CIDEC: variants seen among roughly 807,000 people sequenced by gnomAD.
CIDEC encodes cell death inducing DFFA like effector c.
A neutral mutation model predicts 21.9 loss-of-function variants in CIDEC; 11 were observed. That is an observed-to-expected ratio of 0.50 (90% CI 0.32 to 0.83). The LOEUF (loss-of-function observed/expected upper bound fraction) is 0.83. Ranked by LOEUF, CIDEC falls within the 40% of genes least tolerant of loss-of-function variation. The pLI is 0.04. For missense variants in CIDEC, 302 were observed against 302.3 expected, an observed-to-expected ratio of 1.00 and a Z score of 0.01; for synonymous variants, 127 against 124.9, an observed-to-expected ratio of 1.02 and a Z score of -0.11.
chr3:9,877,377 G>A (rs2082441545), intron 3 of CIDEC, among the ~76,000 whole-genome samples, 158 bp from the exon 4 acceptor site: 1 of 152,186 alleles, frequency 6.6e-6, no homozygotes, highest in Non-Finnish European at 1.5e-5. Context: ...AAGCCTGCTA[G>A]AAGCCAGGCA....
chr3:9,878,416 GC>G lies in CIDEC; in HGVS notation c.53+17del. Reference sequence around the variant, plus strand: ...TCATAGGTGGCTCTCTTTCCATTCTGCCCATGACTTTCCTCACCTGGAGAGG... The same window carrying G: ...TCATAGGTGGCTCTCTTTCCATTCTGCCATGACTTTCCTCACCTGGAGAGG... On this transcript the variant is annotated intron_variant, in intron 3 of 6. Coordinates refer to ENST00000336832, the MANE Select transcript of CIDEC (RefSeq NM_001321142.2). The G allele has an allele frequency of 1.3e-6, 2 of 1,588,618 alleles. No individual in the cohort carries two copies. Among genetic ancestry groups the G allele is most frequent in the Non-Finnish European group, 1.7e-6 (2 of 1,156,804 alleles).
At position 9,878,497 on chromosome 3, in the gene CIDEC, T is replaced by C; in HGVS notation, c.-11A>G. On this transcript the variant is annotated 5_prime_UTR_variant, in exon 3 of 7. Transcript: ENST00000336832. ...CATGGCGTATTCCATCCTTGTCAGC[T>C]GGACTGCGTTGGACCTGGGAAGGAG... The C allele has an allele frequency of 6.2e-7, 1 of 1,613,856 alleles. No individual in the cohort carries two copies. The highest frequency in any genetic ancestry group is 8.5e-7 in the Non-Finnish European group (1 of 1,179,732).
At chr3:9,875,399 A>G (rs1359248671) in intron 4 of CIDEC, among the ~76,000 whole-genome samples, 2 of 151,844 alleles carry the variant, frequency 1.3e-5, no homozygotes, top group Admixed American at 6.6e-5. Context: ...AAAAAGAAAA[A>G]AGAAATGCAT....
intron 6 of CIDEC, among the ~76,000 whole-genome samples, chr3:9,868,736 C>T (rs1191556574): frequency 6.6e-6 from 1 of 152,152 alleles, no homozygotes; most frequent in African/African-American, 2.4e-5. Flanking sequence ...CAAATTAATT[C>T]TGTCATATGG....
At chr3:9,867,347 A>G (rs2082285781) in intron 6 of CIDEC, 51 bp from the exon 7 acceptor site, 9 of 1,600,816 alleles carry the variant, frequency 5.6e-6, no homozygotes, top group Non-Finnish European at 6.8e-6. Context: ...TAGGTCGGGC[A>G]TGGCGTTCAC....
At chr3:9,871,456 G>T (rs1332681459) in intron 4 of CIDEC, among the ~76,000 whole-genome samples, 2 of 150,800 alleles carry the variant, frequency 1.3e-5, no homozygotes, top group Non-Finnish European at 3.0e-5. Flanking sequence ...CAAAATGCTG[G>T]GATTACAAGC....
intron 4 of CIDEC, among the ~76,000 whole-genome samples, chr3:9,875,199 C>T (rs973900085): frequency 6.6e-5 from 10 of 151,918 alleles, no homozygotes; most frequent in Admixed American, 3.3e-4. Flanking sequence ...CACGGTGAAA[C>T]CCCGTCTCTA....
rs773059760 is a variant in CIDEC, at chr3:9,877,068, T to C, written c.205A>G (p.Lys69Glu). 2.6e-6 allele frequency: 4 copies of C among 1,552,336 alleles called. No homozygotes were observed. In the South Asian group the frequency reaches 3.6e-5, roughly 14 times the overall value. Residue 69 changes from lysine (K) to glutamate (E), a missense_variant and splice_region_variant, in exon 4 of 7, where the codon AAG becomes GAG. By Grantham distance (56) the Lys-to-Glu change is moderately conservative (BLOSUM62 1). Coordinates refer to ENST00000336832, the MANE Select transcript of CIDEC (RefSeq NM_001321142.2). ...GTGCAACGCGCAGGTGCTCTCACCT[T>C]GAGGAGGAGGTCCTCAAGACTGTAA... ...MAYSLEDLLL[K>E]VRDTLMLADK...
chr3:9,867,406 G>A (rs942658542), intron 6 of CIDEC, 110 bp from the exon 7 acceptor site: 3 of 1,128,666 alleles, frequency 2.7e-6, no homozygotes, highest in Admixed American at 3.9e-5. Context: ...GGTAACCTGA[G>A]GTCAGGAGTT....
intron 3 of CIDEC, 43 bp downstream of exon 3, chr3:9,878,391 T>A (rs2082456903): frequency 1.7e-5 from 25 of 1,433,512 alleles, no homozygotes; most frequent in Non-Finnish European, 2.5e-5. Flanking sequence ...GGCTTACAGC[T>A]CATAGGTGGC....
chr3:9,872,717 G>C (rs1317487028), intron 4 of CIDEC, among the ~76,000 whole-genome samples: 2 of 152,176 alleles, frequency 1.3e-5, no homozygotes, highest in Non-Finnish European at 2.9e-5. Context: ...GCTGGGCGTA[G>C]TGGCTCATGC....
rs897082581 is a variant in CIDEC, at chr3:9,867,004, G to T, written c.*130C>A. On this transcript the variant is annotated 3_prime_UTR_variant, in exon 7 of 7. Transcript: ENST00000336832. ...TTTCCAGCTCCTCCTCCTCACTCAG[G>T]GTCCTGCGCGGTGAGGGAGGTGTGG... The T allele has an allele frequency of 1.6e-5, 16 of 1,015,656 alleles. No individual in the cohort carries two copies. The highest frequency in any genetic ancestry group is 2.4e-5 in the Non-Finnish European group (15 of 638,220). The allele number at this position is 1,015,656 out of a possible 1,614,324, so 62.9% of individuals were successfully genotyped here.
At position 9,877,213 on chromosome 3, in the gene CIDEC, C is replaced by T; in HGVS notation, c.60G>A (p.Val20=). 1 of 1,550,192 alleles carries T rather than the reference C, an allele frequency of 6.5e-7. No homozygotes were observed. Among genetic ancestry groups the T allele is most frequent in the East Asian group, 2.4e-5 (1 of 40,932 alleles). ...GGGTCACCACAGAGGTACGCACTGA[C>T]ACATGCCTGGGGCAGTTGAAGCATC... is the stretch of plus-strand genomic sequence containing the variant. ...LLYPKSLSRH[V]SVRTSVVTQQ... Residue 20 remains valine, a synonymous_variant, in exon 4 of 7, where the codon GTG becomes GTA. Transcript: ENST00000336832.
rs187144205 is a variant in CIDEC at position 9,868,102 on chromosome 3, G to A, written c.555-806C>T. Among the ~76,000 whole-genome samples, 54 of 152,262 alleles carry A rather than the reference G, an allele frequency of 3.5e-4. No individual in the cohort carries two copies. The East Asian group carries it at 6.6e-3, about 18-fold the overall frequency. On this transcript the variant is annotated intron_variant, in intron 6 of 6. Transcript: ENST00000336832. ...AAAAGCATTTCATCAATTCTAGAGC[G>A]ATGTGCAAATAGGAACAGATGCTGC...
chr3:9,870,774 G>C (rs2082337310), intron 4 of CIDEC, among the ~76,000 whole-genome samples: 3 of 151,970 alleles, frequency 2.0e-5, no homozygotes, highest in Admixed American at 2.0e-4. Flanking sequence ...CGAGTAGCTG[G>C]GACTACAGTT....
At chr3:9,879,215 C>T (rs1002596481) in intron 1 of CIDEC, among the ~76,000 whole-genome samples, 161 bp from the exon 2 acceptor site, 2 of 140,720 alleles carry the variant, frequency 1.4e-5, no homozygotes, top group African/African-American at 2.7e-5. Flanking sequence ...TGCAATGGGG[C>T]GATCTTGCTC....
chr3:9,874,212 CAAAT>C (rs75119489), intron 4 of CIDEC, among the ~76,000 whole-genome samples: 17,142 of 151,740 alleles, frequency 0.11, 1,010 homozygotes, highest in South Asian at 0.16. Flanking sequence ...CCTTTTGAAA[CAAAT>C]AAATAAATAA....
intron 2 of CIDEC, chr3:9,878,720 C>A: frequency 5.2e-6 from 8 of 1,532,480 alleles, no homozygotes; most frequent in Non-Finnish European, 7.0e-6. Flanking sequence ...CCTCTCCCCA[C>A]CGGGTGCTCA....
intron 2 of CIDEC, 116 bp from the exon 3 acceptor site, chr3:9,878,627 A>G: frequency 8.0e-7 from 1 of 1,244,546 alleles, no homozygotes; most frequent in South Asian, 1.3e-5. Context: ...CTATTCTTCT[A>G]TCCCAACTCA....
Sources: allele counts gnomAD v4.1 joint callset (sites outside exome capture counted in the v4.1 genomes callset), GRCh38; gene constraint gnomAD v4.1.1; transcripts MANE v1.5; gene names NCBI Gene and HGNC (gene_info 2026-07-23, HGNC 2026-07-21).